ATXN1: variants seen among roughly 807,000 people sequenced by gnomAD.
ATXN1 encodes ataxin 1, also known as ataxin-1.
ATXN1 carries 8 observed loss-of-function variants against 56.4 expected under a neutral mutation model. That is an observed-to-expected ratio of 0.14 (90% confidence interval 0.08 to 0.26). The LOEUF (loss-of-function observed/expected upper bound fraction) is 0.26. ATXN1 is among the 10% of genes least tolerant of loss of function. ATXN1 has a pLI of 1.00. For missense variants in ATXN1, 987 were observed against 1,106.5 expected (o/e 0.89, Z 1.53); for synonymous variants, 514 against 494.6 (o/e 1.04, Z -0.52).
At chr6:16,405,222 C>A (rs1758661685) in intron 6 of ATXN1, among the ~76,000 whole-genome samples, 1 of 152,174 alleles carries the variant, frequency 6.6e-6, no homozygotes, top group African/African-American at 2.4e-5. Flanking sequence ...AACTCTGTAG[C>A]CAACTTTTGA....
At chr6:16,400,535 C>T (rs993633351) in intron 6 of ATXN1, among the ~76,000 whole-genome samples, 13 of 152,356 alleles carry the variant, frequency 8.5e-5, no homozygotes, top group African/African-American at 3.1e-4. Context: ...TGCCCTCAAC[C>T]CAACTGTGGA....
intron 3 of ATXN1, among the ~76,000 whole-genome samples, chr6:16,587,770 TA>T (rs879724279): frequency 3.1e-4 from 45 of 143,090 alleles, no homozygotes; most frequent in Middle Eastern, 3.6e-3. Context: ...CCATCTATAC[TA>T]AAAAAAAAAA....
chr6:16,683,381 G>A (rs981925489), intron 2 of ATXN1, among the ~76,000 whole-genome samples: 1 of 152,154 alleles, frequency 6.6e-6, no homozygotes, highest in Non-Finnish European at 1.5e-5. Context: ...GGATAAAGAG[G>A]GCAGTTTCTC....
chr6:16,560,353 G>A (rs905044710), intron 4 of ATXN1, among the ~76,000 whole-genome samples: 10 of 143,594 alleles, frequency 7.0e-5, no homozygotes, highest in South Asian at 4.5e-4. Flanking sequence ...TCGTTTAAAC[G>A]GGGAGGCGGA....
intron 6 of ATXN1, among the ~76,000 whole-genome samples, chr6:16,357,344 A>T (rs913914095): frequency 6.6e-6 from 1 of 151,440 alleles, no homozygotes; most frequent in African/African-American, 2.4e-5. Flanking sequence ...ACCCCGGCTC[A>T]CTGCAACCTC....
At chr6:16,531,804 G>T (rs1322738471) in intron 4 of ATXN1, among the ~76,000 whole-genome samples, 6 of 152,084 alleles carry the variant, frequency 3.9e-5, no homozygotes, top group East Asian at 3.9e-4. Context: ...ATGTAACAGG[G>T]GTCTATCTTA....
chr6:16,711,551 C>T (rs1561818237), intron 2 of ATXN1, among the ~76,000 whole-genome samples: 2 of 150,588 alleles, frequency 1.3e-5, no homozygotes, highest in African/African-American at 4.9e-5. Flanking sequence ...TATATATACA[C>T]ATATATATAT....
At chr6:16,755,599 A>G (rs748680741) in intron 1 of ATXN1, among the ~76,000 whole-genome samples, 10 of 152,044 alleles carry the variant, frequency 6.6e-5, no homozygotes, top group African/African-American at 1.2e-4. Flanking sequence ...ACAGAAAAAT[A>G]TATTTTCTTT....
At chr6:16,350,328 A>G (rs1015840573) in intron 6 of ATXN1, among the ~76,000 whole-genome samples, 1 of 152,250 alleles carries the variant, frequency 6.6e-6, no homozygotes, top group East Asian at 1.9e-4. Context: ...AATGCCTAGC[A>G]TAAGAAAAAA....
chr6:16,328,928 A>C lies in ATXN1; in HGVS notation c.-160-458T>G, dbSNP rs1354389781. 6.6e-6 allele frequency among the ~76,000 whole-genome samples: 1 copy of C among 152,108 alleles called. No homozygotes were observed. The highest frequency in any genetic ancestry group is 2.4e-5 in the African/African-American group (1 of 41,410). ...GGCAACAGAGCGACACTCTGTCTCC[A>C]AAAACGAAACAAAACAACAACAACA... On this transcript the variant is annotated intron_variant, in intron 6 of 7. Transcript: ENST00000436367. The surrounding 1 kb of genome is among the most constrained non-coding windows in gnomAD (Gnocchi z 6.2).
chr6:16,663,386 A>C (rs1758364003), intron 2 of ATXN1, among the ~76,000 whole-genome samples: 1 of 152,226 alleles, frequency 6.6e-6, no homozygotes, highest in African/African-American at 2.4e-5. Flanking sequence ...ATTTTTTAAA[A>C]AGAACTTTTG....
intron 2 of ATXN1, among the ~76,000 whole-genome samples, chr6:16,698,093 A>G (rs1322568853): frequency 1.3e-5 from 2 of 152,246 alleles, no homozygotes; most frequent in Admixed American, 6.5e-5. Context: ...GCAAGAGATC[A>G]TGCACAGAGG....
chr6:16,550,155 C>CAAAAAAAAAAAAAAA (rs70999336), intron 4 of ATXN1, among the ~76,000 whole-genome samples: 2 of 91,196 alleles, frequency 2.2e-5, no homozygotes, highest in Admixed American at 1.0e-4. Context: ...AAATAAAATA[C>CAAAAAAAAAAAAAAA]AAAAAAAAAA....
intron 6 of ATXN1, among the ~76,000 whole-genome samples, chr6:16,448,659 T>C (rs910078610): frequency 1.1e-4 from 16 of 152,200 alleles, no homozygotes; most frequent in African/African-American, 3.9e-4. Context: ...GTGTCTTACA[T>C]TGCCCAACAA....
At position 16,353,055 on chromosome 6, in the gene ATXN1, G is replaced by A. The variant is rs143490303; in HGVS notation, c.-160-24585C>T. On this transcript the variant is annotated intron_variant, in intron 6 of 7. Coordinates refer to ENST00000436367, the MANE Select transcript of ATXN1 (RefSeq NM_001128164.2). ...AAAGGGACGATTCACGTCTGCGTTAGGATGGGGTAAGGCGTGAGATTTTAT... is the reference window on the plus strand; with the variant it reads ...AAAGGGACGATTCACGTCTGCGTTAAGATGGGGTAAGGCGTGAGATTTTAT... Among the ~76,000 whole-genome samples, 936 of 152,268 alleles carry A rather than the reference G, an allele frequency of 6.1e-3. 4 individuals carry two copies. The highest frequency in any genetic ancestry group is 0.024 in the Middle Eastern group (7 of 294).
intron 1 of ATXN1, chr6:16,754,701 T>G (rs774561677): frequency 8.5e-5 from 13 of 152,248 alleles, no homozygotes; most frequent in Admixed American, 3.9e-4. Context: ...AGGACTGATA[T>G]GCAAAAGAAG....
chr6:16,557,893 C>T (rs4716080), intron 4 of ATXN1, among the ~76,000 whole-genome samples: 90,294 of 152,006 alleles, frequency 0.59, 28,299 homozygotes, highest in East Asian at 0.78. Flanking sequence ...GAAAACATTA[C>T]GCTAAGTGGA....
chr6:16,397,216 A>G (rs1002171927), intron 6 of ATXN1, among the ~76,000 whole-genome samples: 6 of 152,168 alleles, frequency 3.9e-5, no homozygotes, highest in African/African-American at 1.4e-4. Context: ...CTACAAATCA[A>G]ACGTCCTGTT....
chr6:16,730,711 A>G (rs1263086070), intron 2 of ATXN1, among the ~76,000 whole-genome samples: 3 of 152,028 alleles, frequency 2.0e-5, no homozygotes, highest in Non-Finnish European at 4.4e-5. Flanking sequence ...TTTCCCTTCA[A>G]GTTCTCCTTT....
Sources: allele counts gnomAD v4.1 joint callset (sites outside exome capture counted in the v4.1 genomes callset), GRCh38; gene constraint gnomAD v4.1.1; non-coding constraint Gnocchi (gnomAD v3.1); transcripts MANE v1.5; gene names NCBI Gene and HGNC (gene_info 2026-07-23, HGNC 2026-07-21).